The following HK1 variants were observed in gnomAD, a reference collection of about 807,000 sequenced individuals.
HK1 encodes hexokinase 1.
A neutral mutation model predicts 91.6 loss-of-function variants in HK1; 28 were observed. That is an observed-to-expected ratio of 0.31 (90% confidence interval 0.23 to 0.42). HK1 has a LOEUF of 0.42. Ranked by LOEUF, HK1 falls within the 10% of genes least tolerant of loss-of-function variation. The probability of loss-of-function intolerance (pLI) is 1.00; values close to 1 mark genes in which losing one functional copy is unlikely to be tolerated. For synonymous variants in HK1, 430 were observed against 468.1 expected (o/e 0.92, Z 1.05); for missense variants, 770 against 1,219.8 (o/e 0.63, Z 5.49).
chr10:69,334,039 A>T (rs2132640356), intron 1 of HK1, among the ~76,000 whole-genome samples: 1 of 152,098 alleles, frequency 6.6e-6, no homozygotes, highest in Admixed American at 6.5e-5. Flanking sequence ...TGAACCCGGG[A>T]GGTGGAGTTT....
At chr10:69,386,448 C>G in intron 13 of HK1, 30 bp downstream of exon 13, 1 of 1,548,230 alleles carries the variant, frequency 6.5e-7, no homozygotes, top group Non-Finnish European at 8.9e-7. Context: ...TTTTTAAAAT[C>G]TTTACTGTTT....
intron 1 of HK1, among the ~76,000 whole-genome samples, chr10:69,280,792 C>A (rs897116048): frequency 2.0e-5 from 3 of 152,170 alleles, no homozygotes; most frequent in African/African-American, 7.2e-5. Context: ...GTTACCTAGC[C>A]AATGGTAATT....
chr10:69,395,908 G>T (rs10823359), intron 16 of HK1, among the ~76,000 whole-genome samples: 64,737 of 151,916 alleles, frequency 0.43, 14,935 homozygotes, highest in African/African-American at 0.6. Flanking sequence ...GAGGAAAAAA[G>T]GGTCAGAAAA....
chr10:69,360,576 C>G (rs1255179977), intron 3 of HK1, among the ~76,000 whole-genome samples: 1 of 152,192 alleles, frequency 6.6e-6, no homozygotes, highest in Non-Finnish European at 1.5e-5. Flanking sequence ...GCACAGAAAG[C>G]AGAGGAAGCA....
At chr10:69,370,461 A>C (rs4589168) in intron 7 of HK1, among the ~76,000 whole-genome samples, 2,871 of 152,338 alleles carry the variant, frequency 0.019, 70 homozygotes, top group East Asian at 0.095. Context: ...TCTATGCTGT[A>C]GTCACGAGTG....
At chr10:69,336,191 C>T (rs929166679) in intron 1 of HK1, among the ~76,000 whole-genome samples, 3 of 152,106 alleles carry the variant, frequency 2.0e-5, no homozygotes, top group African/African-American at 7.2e-5. Context: ...GTTATTGCTT[C>T]TTTTTTGTTG....
Position 69,382,729 on chromosome 10 carries a change from C to G in HK1, c.1508C>G (p.Thr503Arg), listed in dbSNP as rs755620381. The G allele has an allele frequency of 1.2e-6, 2 of 1,613,426 alleles. No homozygotes were observed. Residue 503 changes from threonine (T) to arginine (R), a missense_variant, in exon 10 of 18, where the codon ACG becomes AGG. By Grantham distance (71) the Thr-to-Arg change is moderately conservative (BLOSUM62 -1). Coordinates refer to ENST00000359426, the MANE Select transcript of HK1 (RefSeq NM_000188.3). ...AEMELGLRKQTHNNAVVKMLP... is the reference protein window; with the variant it reads ...AEMELGLRKQRHNNAVVKMLP... The stretch of plus-strand genomic sequence containing the variant: ...ATGGAGCTGGGGCTGAGGAAGCAGA[C>G]GCACAACAATGCCGTGGTTAAGATG...
At chr10:69,278,990 T>C (rs1844603523) in intron 1 of HK1, among the ~76,000 whole-genome samples, 1 of 152,160 alleles carries the variant, frequency 6.6e-6, no homozygotes, top group Admixed American at 6.5e-5. Flanking sequence ...CGAGTTTTTA[T>C]TGTGGGGTGA....
rs150765315 is a variant in HK1 at position 69,271,760 on chromosome 10, A to T, written c.-391+1652A>T. On this transcript the variant is annotated intron_variant, in intron 1 of 21. Coordinates refer to the HK1 transcript ENST00000360289. ...CCAAAATGCTGGGATTACAGGCATG[A>T]GCCACTGCACCCGGCCTGACAATTT... Among the ~76,000 whole-genome samples, 25 of 152,298 alleles carry T rather than the reference A, an allele frequency of 1.6e-4. No homozygotes were observed. The East Asian group carries it at 4.8e-3, about 29-fold the overall frequency.
Position 69,367,648 on chromosome 10 carries a change from A to G in HK1, c.496-888A>G, listed in dbSNP as rs971773257. ...GCATACTCCAGTCTGTGTGGCTCCCACCGTGAGCTGGGGCGGGGCCCATGT... is the reference window on the plus strand; with the variant it reads ...GCATACTCCAGTCTGTGTGGCTCCCGCCGTGAGCTGGGGCGGGGCCCATGT... On this transcript the variant is annotated intron_variant, in intron 4 of 17. Transcript: ENST00000359426. Among the ~76,000 whole-genome samples the G allele has an allele frequency of 1.3e-5, 2 of 152,066 alleles. 1 individual carries two copies. The highest frequency in any genetic ancestry group is 1.3e-4 in the Admixed American group (2 of 15,260).
intron 1 of HK1, among the ~76,000 whole-genome samples, chr10:69,280,850 T>C: frequency 6.6e-6 from 1 of 152,334 alleles, no homozygotes; most frequent in East Asian, 1.9e-4. Context: ...GGGAGTGGAA[T>C]ATGATGTGCT....
At chr10:69,360,137 C>A in intron 3 of HK1, 92 bp downstream of exon 3, 1 of 1,258,986 alleles carries the variant, frequency 7.9e-7, no homozygotes, top group Non-Finnish European at 1.2e-6. Context: ...GCATCCCAAG[C>A]CCCTGGAAGA....
At chr10:69,332,958 G>C (rs1042904779) in intron 1 of HK1, among the ~76,000 whole-genome samples, 4 of 152,100 alleles carry the variant, frequency 2.6e-5, no homozygotes, top group African/African-American at 9.7e-5. Context: ...GATTGTGTGA[G>C]AGCTCCTGGA....
At chr10:69,397,163 G>A (rs1362288719) in intron 16 of HK1, among the ~76,000 whole-genome samples, 1 of 152,076 alleles carries the variant, frequency 6.6e-6, no homozygotes, top group Non-Finnish European at 1.5e-5. Context: ...GTGTGTGTAC[G>A]CACCCCAAGT....
At chr10:69,290,090 G>A (rs541495526) in intron 3 of HK1, among the ~76,000 whole-genome samples, 5 of 151,996 alleles carry the variant, frequency 3.3e-5, no homozygotes, top group African/African-American at 7.2e-5. Flanking sequence ...GTTCCACCCC[G>A]CCCCCCACCA....
At chr10:69,381,228 G>A (rs1839370508) in intron 9 of HK1, among the ~76,000 whole-genome samples, 1 of 152,102 alleles carries the variant, frequency 6.6e-6, no homozygotes, top group Non-Finnish European at 1.5e-5. Context: ...TGCAGAGGTT[G>A]CAGTGACCTG....
chr10:69,378,450 T>C (rs372906785), intron 8 of HK1, among the ~76,000 whole-genome samples: 12 of 152,206 alleles, frequency 7.9e-5, no homozygotes, highest in African/African-American at 2.9e-4. Flanking sequence ...TTTGTTTTTG[T>C]TTTTAAAGAA....
rs920698317 is a variant in HK1, at chr10:69,278,413, A to T, written c.-390-4116A>T. ...TTCCTCCGGTAGCTGCTACATGGAA[A>T]GTACTATGGATCAAATTGGAAATCC... is the stretch of plus-strand genomic sequence containing the variant. On this transcript the variant is annotated intron_variant, in intron 1 of 21. Transcript: ENST00000360289. 2 of 152,226 alleles carry T rather than the reference A, an allele frequency of 1.3e-5. 1 individual carries two copies. Among genetic ancestry groups the T allele is most frequent in the Admixed American group, 1.3e-4 (2 of 15,286 alleles). 9.4% of individuals were successfully genotyped at this position (152,226 alleles called of 1,614,324 possible). A position where few individuals can be genotyped will look rare whatever the true frequency, so the allele number is the denominator to read the frequency against.
At chr10:69,281,423 T>C (rs1844742367) in intron 1 of HK1, among the ~76,000 whole-genome samples, 1 of 152,204 alleles carries the variant, frequency 6.6e-6, no homozygotes, top group Non-Finnish European at 1.5e-5. Context: ...GTCCTCTTCC[T>C]CCTCTTTCTC....
Sources: allele counts gnomAD v4.1 joint callset (sites outside exome capture counted in the v4.1 genomes callset), GRCh38; gene constraint gnomAD v4.1.1; transcripts MANE v1.5; gene names NCBI Gene and HGNC (gene_info 2026-07-23, HGNC 2026-07-21).